The following PCSK6 variants were observed in gnomAD, a reference collection of about 807,000 sequenced individuals.
The protein encoded by PCSK6 is proprotein convertase subtilisin/kexin type 6.
Under a neutral mutation model 123.3 loss-of-function variants are expected in PCSK6, and 85 were observed. The ratio of observed to expected loss-of-function variants is 0.69; its 90% confidence interval spans 0.58 to 0.83. The LOEUF is 0.83. Ranked by LOEUF, PCSK6 falls within the 40% of genes least tolerant of loss-of-function variation. The pLI, the probability that PCSK6 is intolerant of heterozygous loss-of-function variation, is 0.00. For missense variants in PCSK6, 1,191 were observed against 1,282.3 expected (o/e 0.93, Z 1.09); for synonymous variants, 508 against 516.0 (o/e 0.98, Z 0.21).
At chr15:101,362,911 C>T (rs2041276099) in intron 13 of PCSK6, among the ~76,000 whole-genome samples, 1 of 152,142 alleles carries the variant, frequency 6.6e-6, no homozygotes, top group Admixed American at 6.5e-5. Flanking sequence ...GCTTTAACAA[C>T]CTGGGGAGGA....
At position 101,331,954 on chromosome 15, in the gene PCSK6, G is replaced by C; in HGVS notation, c.1936C>G (p.Arg646Gly). ...PYHTFSAHQSRSRMLELSAPE... is the reference protein window; with the variant it reads ...PYHTFSAHQSGSRMLELSAPE... Reference sequence around the variant, plus strand: ...GCTGAGAGCTCCAGCATCCGCGAGCGGGACTGATGGGCACTGAAGGTGTGG... The same window carrying C: ...GCTGAGAGCTCCAGCATCCGCGAGCCGGACTGATGGGCACTGAAGGTGTGG... Residue 646 changes from arginine to glycine, a missense_variant, in exon 14 of 22, where the codon CGC (arginine) becomes GGC (glycine). Transcript: ENST00000611716. 2 of 1,613,826 alleles carry C rather than the reference G, an allele frequency of 1.2e-6. No individual in the cohort carries two copies. Among genetic ancestry groups the C allele is most frequent in the Non-Finnish European group, 1.7e-6 (2 of 1,179,840 alleles).
intron 12 of PCSK6, among the ~76,000 whole-genome samples, chr15:101,368,846 T>C (rs1282194552): frequency 6.6e-6 from 1 of 151,998 alleles, no homozygotes; most frequent in Non-Finnish European, 1.5e-5. Context: ...ATGCCAGAAA[T>C]GAGGACTTTT....
intron 1 of PCSK6, among the ~76,000 whole-genome samples, 161 bp downstream of exon 1, chr15:101,489,213 C>T (rs1371344177): frequency 2.9e-4 from 3 of 10,472 alleles, no homozygotes; most frequent in African/African-American, 5.5e-4. Context: ...ACACCCCCCC[C>T]CGCAGGGCGC....
Position 101,398,690 on chromosome 15 carries a change from C to CTGGGG in PCSK6, c.824-115_824-114insCCCCA. 1.7e-6 allele frequency: 2 copies of CTGGGG among 1,156,268 alleles called. No individual in the cohort carries two copies. Among genetic ancestry groups the CTGGGG allele is most frequent in the Non-Finnish European group, 2.4e-6 (2 of 831,726 alleles). The allele number at this position is 1,156,268 out of a possible 1,614,324, so 71.6% of individuals were successfully genotyped here. On this transcript the variant is annotated intron_variant, in intron 6 of 21. Coordinates refer to ENST00000611716, the MANE Select transcript of PCSK6 (RefSeq NM_002570.5). This position sits in a 1 kb window ranked among gnomAD's most constrained non-coding sequence, Gnocchi z 4.6. ...ACCGCATCACAGAGTCCCTCCCCAG[C>CTGGGG]AGGGGCTGTTCCCAGTCATTCTGCA...
At chr15:101,381,320 T>C (rs1331216703) in intron 11 of PCSK6, among the ~76,000 whole-genome samples, 1 of 152,120 alleles carries the variant, frequency 6.6e-6, no homozygotes, top group Non-Finnish European at 1.5e-5. Flanking sequence ...GCCGGGATCA[T>C]GCCACTGCAC....
chr15:101,448,541 G>A (rs556168435), intron 1 of PCSK6, among the ~76,000 whole-genome samples: 2 of 152,306 alleles, frequency 1.3e-5, no homozygotes, highest in East Asian at 1.9e-4. Context: ...AACAGCTGAC[G>A]CTTGCTGGGC....
chr15:101,427,839 A>G (rs937716808), intron 6 of PCSK6, 53 bp downstream of exon 6: 83 of 1,405,546 alleles, frequency 5.9e-5, no homozygotes, highest in Non-Finnish European at 7.5e-5. Flanking sequence ...GGGAGCTCCC[A>G]GCTGCCCCTG....
intron 6 of PCSK6, among the ~76,000 whole-genome samples, chr15:101,422,615 G>A (rs531700749): frequency 1.4e-5 from 2 of 143,656 alleles, no homozygotes; most frequent in African/African-American, 5.5e-5. Context: ...CCAACTGCTA[G>A]AACGAAACTT....
Position 101,389,542 on chromosome 15 carries a change from C to T in PCSK6, c.1232G>A (p.Arg411His), listed in dbSNP as rs372460647. ...RKIVTTDLRQ[R>H]CTDGHTGTSV... ...GGTCCCAGTGTGGCCATCGGTACAG[C>T]GCTGACGCAGATCCGTGGTGACCTG... Residue 411 changes from arginine (R) to histidine (H), a missense_variant, in exon 9 of 22, where the codon CGC becomes CAC. This residue lies in a region of PCSK6 where 357 missense variants were observed against 484.5 expected (regional missense o/e 0.74). Coordinates refer to ENST00000611716, the MANE Select transcript of PCSK6 (RefSeq NM_002570.5). The T allele has an allele frequency of 6.2e-5, 100 of 1,613,004 alleles. No homozygotes were observed. The highest frequency in any genetic ancestry group is 4.0e-4 in the South Asian group (36 of 91,042).
chr15:101,329,265 T>C (rs73489238), intron 15 of PCSK6, among the ~76,000 whole-genome samples: 1,716 of 152,314 alleles, frequency 0.011, 33 homozygotes, highest in African/African-American at 0.039. Context: ...AGAAGCAACT[T>C]GGGAGTTCTC....
chr15:101,356,013 G>T (rs1179534459), intron 13 of PCSK6, among the ~76,000 whole-genome samples: 4 of 152,218 alleles, frequency 2.6e-5, no homozygotes, highest in African/African-American at 4.8e-5. Context: ...GGAGGCAGGA[G>T]GATCCAACCC....
intron 10 of PCSK6, among the ~76,000 whole-genome samples, chr15:101,383,038 A>G (rs1336505509): frequency 6.6e-6 from 1 of 152,066 alleles, no homozygotes; most frequent in East Asian, 1.9e-4. Flanking sequence ...TGAGCTTCAG[A>G]AAAGGTTAAA....
rs2042479915 is a variant in PCSK6 at position 101,398,379 on chromosome 15, C to A, written c.996+25G>T. On this transcript the variant is annotated intron_variant, in intron 7 of 21. Coordinates refer to ENST00000611716, the MANE Select transcript of PCSK6 (RefSeq NM_002570.5). The surrounding 1 kb of genome is among the most constrained non-coding windows in gnomAD (Gnocchi z 4.6). ...ACTGTCACCCTTGTCCCAGAGCGCTCCCCTGTAGCCCTGGTTACTCACACC... is the reference window on the plus strand; with the variant it reads ...ACTGTCACCCTTGTCCCAGAGCGCTACCCTGTAGCCCTGGTTACTCACACC... 3.1e-6 allele frequency: 5 copies of A among 1,589,274 alleles called. No homozygotes were observed. The South Asian group carries it at 3.4e-5, about 11-fold the overall frequency.
chr15:101,380,897 A>C (rs2041894386), intron 11 of PCSK6, among the ~76,000 whole-genome samples: 1 of 152,204 alleles, frequency 6.6e-6, no homozygotes, highest in Non-Finnish European at 1.5e-5. Flanking sequence ...CAAAGGGAAC[A>C]AGTAGTTATG....
intron 7 of PCSK6, among the ~76,000 whole-genome samples, chr15:101,396,859 TA>T (rs2042427723): frequency 1.3e-5 from 2 of 152,180 alleles, no homozygotes; most frequent in Admixed American, 6.5e-5. Context: ...CCCTCTTCCT[TA>T]ATTTTCCTTC....
chr15:101,396,442 CAGA>C (rs1374023458), intron 7 of PCSK6, among the ~76,000 whole-genome samples: 9 of 152,304 alleles, frequency 5.9e-5, no homozygotes, highest in African/African-American at 2.2e-4. Flanking sequence ...GTAGAAATGA[CAGA>C]CGCTCAGCAG....
chr15:101,454,698 T>C (rs1053030587), intron 1 of PCSK6, among the ~76,000 whole-genome samples: 5 of 151,974 alleles, frequency 3.3e-5, no homozygotes, highest in African/African-American at 9.7e-5. Context: ...TCCAGCACTT[T>C]GGGAGGCCGA....
rs12050617 is a variant in PCSK6 at position 101,480,100 on chromosome 15, T to C, written c.297+9274A>G. Among the ~76,000 whole-genome samples, 6 of 152,344 alleles carry C rather than the reference T, an allele frequency of 3.9e-5. No individual in the cohort carries two copies. In the East Asian group the frequency reaches 1.2e-3, roughly 29 times the overall value. On this transcript the variant is annotated intron_variant, in intron 1 of 21. Transcript: ENST00000611716. ...CGTGAGTGATGCCATTACCCACTGA[T>C]GGATTCCCCCCAGGGCGGTCTGGCT...
intron 1 of PCSK6, among the ~76,000 whole-genome samples, chr15:101,452,737 A>T (rs138182904): frequency 6.6e-6 from 1 of 152,302 alleles, no homozygotes; most frequent in East Asian, 1.9e-4. Flanking sequence ...GACACAGGAC[A>T]TGGCAGATTG....
Sources: allele counts gnomAD v4.1 joint callset (sites outside exome capture counted in the v4.1 genomes callset), GRCh38; gene constraint gnomAD v4.1.1; regional missense constraint gnomAD v4.1.1; non-coding constraint Gnocchi (gnomAD v3.1); transcripts MANE v1.5; gene names NCBI Gene and HGNC (gene_info 2026-07-23, HGNC 2026-07-21).